SCN2A: variants seen among roughly 807,000 people sequenced by gnomAD.
The protein encoded by SCN2A is sodium voltage-gated channel alpha subunit 2, also known as sodium channel protein type 2 subunit alpha.
In SCN2A, 20 loss-of-function variants were observed where a neutral mutation model predicts 188.7. The ratio of observed to expected loss-of-function variants is 0.11; its 90% confidence interval spans 0.07 to 0.15. The LOEUF (loss-of-function observed/expected upper bound fraction) is 0.15, where lower values mean the gene tolerates loss of function less well. SCN2A is among the 10% of genes least tolerant of loss of function. The pLI is 1.00. For synonymous variants in SCN2A, 804 were observed against 833.1 expected, an observed-to-expected ratio of 0.97 and a Z score of 0.60; for missense variants, 1,278 against 2,445.0, an observed-to-expected ratio of 0.52 and a Z score of 10.07.
At chr2:165,342,085 C>T (rs1450673812) in intron 14 of SCN2A, among the ~76,000 whole-genome samples, 1 of 152,114 alleles carries the variant, frequency 6.6e-6, no homozygotes, top group Non-Finnish European at 1.5e-5. Flanking sequence ...TGACTTAATC[C>T]GTGTACTCTT....
chr2:165,264,721 T>A (rs1205448121), intron 1 of SCN2A, among the ~76,000 whole-genome samples: 1 of 152,142 alleles, frequency 6.6e-6, no homozygotes, highest in Non-Finnish European at 1.5e-5. Flanking sequence ...ATGTCATATT[T>A]GGTTTTCTGT....
intron 3 of SCN2A, among the ~76,000 whole-genome samples, chr2:165,302,139 A>G (rs1439479249): frequency 6.6e-6 from 1 of 152,246 alleles, no homozygotes; most frequent in Non-Finnish European, 1.5e-5. Flanking sequence ...ATGGTTTTCC[A>G]TGAAAAGAAA....
At position 165,365,062 on chromosome 2, in the gene SCN2A, G is replaced by T. The variant is rs1259126747; in HGVS notation, c.3400-81G>T. On this transcript the variant is annotated intron_variant, in intron 17 of 26. Coordinates refer to ENST00000375437, the MANE Select transcript of SCN2A (RefSeq NM_001040142.2). Reference sequence around the variant, plus strand: ...TCAAGAAAATGCATACAGAAGATGGGGGGGGGGCACACCTAATTAATTTTT... The same window carrying T: ...TCAAGAAAATGCATACAGAAGATGGTGGGGGGGCACACCTAATTAATTTTT... 9 of 1,250,702 alleles carry T rather than the reference G, an allele frequency of 7.2e-6. No homozygotes were observed. The East Asian group carries it at 2.3e-4, about 33-fold the overall frequency. 77.5% of individuals were successfully genotyped at this position (1,250,702 alleles called of 1,614,324 possible). A position where few individuals can be genotyped will look rare whatever the true frequency, so the allele number is the denominator to read the frequency against.
chr2:165,254,174 G>A (rs555850354), intron 1 of SCN2A, among the ~76,000 whole-genome samples: 91 of 151,838 alleles, frequency 6.0e-4, no homozygotes, highest in African/African-American at 2.1e-3. Context: ...ATAAATAAAT[G>A]TGATATCTGT....
chr2:165,356,196 A>G (rs1208037620), intron 17 of SCN2A, among the ~76,000 whole-genome samples: 3 of 152,206 alleles, frequency 2.0e-5, no homozygotes, highest in Non-Finnish European at 4.4e-5. Context: ...TAACAGGGAC[A>G]TAGGTATCAG....
chr2:165,352,901 G>GC (rs1195082969), intron 16 of SCN2A, among the ~76,000 whole-genome samples: 1 of 151,770 alleles, frequency 6.6e-6, no homozygotes, highest in African/African-American at 2.4e-5. Context: ...TTGTGCATTT[G>GC]CCCCCCTTTA....
chr2:165,289,153 T>C (rs529877989), intron 1 of SCN2A, among the ~76,000 whole-genome samples: 2 of 152,176 alleles, frequency 1.3e-5, no homozygotes, highest in African/African-American at 4.8e-5. Context: ...TATAAATTTA[T>C]TTCTAGAGCA....
intron 16 of SCN2A, among the ~76,000 whole-genome samples, chr2:165,346,352 T>C (rs1490085636): frequency 6.6e-6 from 1 of 152,190 alleles, no homozygotes; most frequent in Non-Finnish European, 1.5e-5. Context: ...CCAATCAAAC[T>C]TAGGGTTGGT....
At chr2:165,289,132 C>T (rs1373673317) in intron 1 of SCN2A, among the ~76,000 whole-genome samples, 1 of 151,748 alleles carries the variant, frequency 6.6e-6, no homozygotes, top group East Asian at 1.9e-4. Flanking sequence ...TTTAATATGC[C>T]ATTTTCTTAG....
intron 4 of SCN2A, 136 bp from the exon 5 acceptor site, chr2:165,308,530 C>T: frequency 2.7e-6 from 2 of 750,006 alleles, no homozygotes; most frequent in South Asian, 1.6e-5. Context: ...TGACTTAAGC[C>T]CCACCTAAAC....
At chr2:165,248,084 C>T (rs1693928705) in intron 1 of SCN2A, among the ~76,000 whole-genome samples, 1 of 152,170 alleles carries the variant, frequency 6.6e-6, no homozygotes, top group Non-Finnish European at 1.5e-5. Context: ...CACCTTCACA[C>T]TGCTACCCTG....
Position 165,380,475 on chromosome 2 carries a change from G to A in SCN2A, c.4309-117G>A, listed in dbSNP as rs545845077. ...TGAAGGTTCATAAAATCTGTTTAGT[G>A]TTTGGTTTATTTTCATTCCAGAGAT... On this transcript the variant is annotated intron_variant, in intron 23 of 26. Transcript: ENST00000375437. 1,417 of 753,838 alleles carry A rather than the reference G, an allele frequency of 1.9e-3. 5 individuals carry two copies. The highest frequency in any genetic ancestry group is 4.4e-3 in the Middle Eastern group (12 of 2,742). The allele number at this position is 753,838 out of a possible 1,614,324, so 46.7% of individuals were successfully genotyped here.
chr2:165,302,326 G>T (rs1696858692), intron 3 of SCN2A, among the ~76,000 whole-genome samples: 1 of 152,106 alleles, frequency 6.6e-6, no homozygotes, highest in Admixed American at 6.5e-5. Context: ...TGCTGGCTCA[G>T]AAATATGCAC....
At chr2:165,283,270 C>T (rs537358391) in intron 1 of SCN2A, among the ~76,000 whole-genome samples, 2 of 152,216 alleles carry the variant, frequency 1.3e-5, no homozygotes, top group South Asian at 2.1e-4. Context: ...CTCCAAGAAC[C>T]TACAGCCCAG....
chr2:165,293,712 T>C, intron 1 of SCN2A: 5 of 425,692 alleles, frequency 1.2e-5, no homozygotes, highest in Non-Finnish European at 1.6e-5. Flanking sequence ...ACATAGCAAA[T>C]AAAAAGCATG....
chr2:165,291,482 C>CTT (rs763026058), intron 1 of SCN2A, among the ~76,000 whole-genome samples: 5 of 58,988 alleles, frequency 8.5e-5, no homozygotes, highest in Admixed American at 3.8e-4. Context: ...TTCTTTCTTT[C>CTT]TTTCTTTCTT....
chr2:165,347,205 A>G (rs1699640597), intron 16 of SCN2A, among the ~76,000 whole-genome samples: 1 of 152,216 alleles, frequency 6.6e-6, no homozygotes. Context: ...ATGCCCATCA[A>G]TGATAGACTG....
In SCN2A at chr2:165,297,149, A is replaced by C; in HGVS notation, c.386+14A>C. ...TTTGGTACATTCATATCCTTTTTCA[A>C]ATCGTCACTTAATATGATTTTCTTC... On this transcript the variant is annotated intron_variant, in intron 3 of 26. Coordinates refer to ENST00000375437, the MANE Select transcript of SCN2A (RefSeq NM_001040142.2). The C allele has an allele frequency of 7.2e-7, 1 of 1,393,534 alleles. No individual in the cohort carries two copies. Among genetic ancestry groups the C allele is most frequent in the Non-Finnish European group, 1.0e-6 (1 of 979,996 alleles). 86.3% of individuals were successfully genotyped at this position (1,393,534 alleles called of 1,614,324 possible). A position where few individuals can be genotyped will look rare whatever the true frequency, so the allele number is the denominator to read the frequency against.
intron 5 of SCN2A, chr2:165,309,032 T>G: frequency 8.9e-7 from 1 of 1,121,620 alleles, no homozygotes; most frequent in Non-Finnish European, 1.3e-6. Flanking sequence ...AGATTATGAT[T>G]GATGACAATG....
Sources: gnomAD v4.1 joint callset for allele counts (sites outside exome capture counted in the v4.1 genomes callset) on GRCh38, gnomAD v4.1.1 for gene constraint, MANE v1.5 for transcripts, NCBI Gene and HGNC (gene_info 2026-07-23, HGNC 2026-07-21) for gene names.